SLC12A7: variants seen among roughly 807,000 people sequenced by gnomAD.
The protein encoded by SLC12A7 is solute carrier family 12 member 7.
SLC12A7 carries 100 observed loss-of-function variants against 120.6 expected under a neutral mutation model. The observed-to-expected ratio is 0.83, with a 90% CI of 0.71 to 0.98. The LOEUF (loss-of-function observed/expected upper bound fraction) is 0.98, where lower values mean the gene tolerates loss of function less well. SLC12A7 is among the 50% of genes least tolerant of loss of function. The probability of loss-of-function intolerance (pLI) is 0.00; values close to 1 mark genes in which losing one functional copy is unlikely to be tolerated. For missense variants in SLC12A7, 1,373 were observed against 1,548.1 expected (o/e 0.89, Z 1.90); for synonymous variants, 760 against 678.0 (o/e 1.12, Z -1.88).
At chr5:1,092,613 G>T (rs184684297) in intron 3 of SLC12A7, among the ~76,000 whole-genome samples, 1 of 152,196 alleles carries the variant, frequency 6.6e-6, no homozygotes, top group Non-Finnish European at 1.5e-5. Context: ...TGCCGAAGGA[G>T]GGGGGCACAG....
the SLC12A7 span, among the ~76,000 whole-genome samples, chr5:1,125,027 C>T: frequency 1.4e-4 from 21 of 152,208 alleles, no homozygotes; most frequent in East Asian, 3.9e-3. Flanking sequence ...AAGATTTGAA[C>T]AACCCATAAG....
At chr5:1,088,932 C>T (rs2150869298) in intron 4 of SLC12A7, 50 bp downstream of exon 4, 1 of 1,608,944 alleles carries the variant, frequency 6.2e-7, no homozygotes. Flanking sequence ...CCCTACTGTC[C>T]AGCTGCCACC....
chr5:1,056,465 G>A (rs780033608), intron 22 of SLC12A7: 141 of 393,060 alleles, frequency 3.6e-4, no homozygotes, highest in Admixed American at 1.1e-3. Context: ...ACAAGCCACC[G>A]TGCACGGGGC....
At chr5:1,127,582 G>A in the SLC12A7 span, among the ~76,000 whole-genome samples, 1 of 152,226 alleles carries the variant, frequency 6.6e-6, no homozygotes, top group African/African-American at 2.4e-5. Context: ...GCAGTCCGAG[G>A]AAACTGATGG....
At chr5:1,129,375 AAGGAGGTGGCCATGGGCCACC>A in the SLC12A7 span, among the ~76,000 whole-genome samples, 1 of 152,194 alleles carries the variant, frequency 6.6e-6, no homozygotes, top group East Asian at 1.9e-4. Flanking sequence ...CACCCAAGGC[AAGGAGGTGGCCATGGGCCACC>A]AGGAGTGTCC....
chr5:1,145,019 G>A, the SLC12A7 span, among the ~76,000 whole-genome samples: 40 of 152,274 alleles, frequency 2.6e-4, no homozygotes, highest in Non-Finnish European at 4.6e-4. The surrounding 1 kb of genome is among the most constrained non-coding windows in gnomAD (Gnocchi z 4.4). Context: ...CAACCGGGCC[G>A]GGGCTGGGGA....
chr5:1,058,107 AG>A (rs969734256), intron 21 of SLC12A7, among the ~76,000 whole-genome samples: 1 of 152,186 alleles, frequency 6.6e-6, no homozygotes, highest in Non-Finnish European at 1.5e-5. Context: ...CTGACCAGCC[AG>A]GGGACGTTTG....
Position 1,061,166 on chromosome 5 carries a change from G to A in SLC12A7, c.2740-715C>T, listed in dbSNP as rs1391723604. Among the ~76,000 whole-genome samples, 4 of 30,588 alleles carry A rather than the reference G, an allele frequency of 1.3e-4. 1 individual carries two copies. Among genetic ancestry groups the A allele is most frequent in the African/African-American group, 1.8e-4 (4 of 21,802 alleles). The allele number at this position is 30,588 out of a possible 152,430, so 20.1% of individuals were successfully genotyped here. On this transcript the variant is annotated intron_variant, in intron 20 of 23. Coordinates refer to ENST00000264930, the MANE Select transcript of SLC12A7 (RefSeq NM_006598.3). ...CTCACCCGCCGCACCCGCCGTGCGG[G>A]ACCCCTGCGTCTCACCCACCGCACC... is the stretch of plus-strand genomic sequence containing the variant.
In SLC12A7 at chr5:1,094,177, C is replaced by T; in HGVS notation, c.196G>A (p.Gly66Arg). Reference sequence around the variant, plus strand: ...ACCTCGAAAAGTGCCATGTTCTTCCCTTCAAAGAAGCTCTCTTGTTCCACC... The same window carrying T: ...ACCTCGAAAAGTGCCATGTTCTTCCTTTCAAAGAAGCTCTCTTGTTCCACC... ...VEVEQESFFE[G>R]KNMALFEEEM... The change falls in exon 2 of 24, where the codon GGG (glycine) becomes AGG (arginine). Residue 66 changes from glycine (G) to arginine (R), a missense_variant. Transcript: ENST00000264930. 1.2e-6 allele frequency: 2 copies of T among 1,613,468 alleles called. No individual in the cohort carries two copies. The highest frequency in any genetic ancestry group is 8.5e-7 in the Non-Finnish European group (1 of 1,179,704).
intron 1 of SLC12A7, among the ~76,000 whole-genome samples, chr5:1,103,461 A>G (rs1462765728): frequency 6.6e-6 from 1 of 152,172 alleles, no homozygotes; most frequent in East Asian, 1.9e-4. Context: ...ATGTGTACAC[A>G]TGCACAGACA....
At chr5:1,090,454 GGCC>G (rs1740372159) in intron 3 of SLC12A7, among the ~76,000 whole-genome samples, 1 of 152,186 alleles carries the variant, frequency 6.6e-6, no homozygotes, top group South Asian at 2.1e-4. Context: ...CGGGGCTGGG[GGCC>G]GCTGCTGGGC....
the SLC12A7 span, among the ~76,000 whole-genome samples, chr5:1,149,430 A>C: frequency 1.3e-5 from 2 of 151,872 alleles, no homozygotes; most frequent in Non-Finnish European, 2.9e-5. Context: ...TATAAAAATT[A>C]GCCAGGCGTG....
At chr5:1,140,746 C>T in the SLC12A7 span, among the ~76,000 whole-genome samples, 365 of 152,296 alleles carry the variant, frequency 2.4e-3, 2 homozygotes, top group Admixed American at 5.0e-3. Context: ...AGGTGGCTGG[C>T]GGAGGGGGTG....
At chr5:1,087,655 G>A (rs576750572) in intron 5 of SLC12A7, among the ~76,000 whole-genome samples, 145 of 152,354 alleles carry the variant, frequency 9.5e-4, no homozygotes, top group African/African-American at 3.4e-3. Context: ...AGCACCAAGC[G>A]ATGCCCCCGT....
chr5:1,097,292 C>T (rs757548145), intron 1 of SLC12A7, among the ~76,000 whole-genome samples: 25 of 152,170 alleles, frequency 1.6e-4, no homozygotes, highest in Non-Finnish European at 3.2e-4. Flanking sequence ...TCCTTCCCGT[C>T]GCCTCCAACA....
intron 20 of SLC12A7, among the ~76,000 whole-genome samples, chr5:1,061,764 T>A (rs113303019): frequency 0.06 from 9,098 of 151,208 alleles, 378 homozygotes; most frequent in African/African-American, 0.11. Context: ...AGCCTGGCCA[T>A]CATGGTGAAA....
At chr5:1,097,612 C>T (rs751708033) in intron 1 of SLC12A7, among the ~76,000 whole-genome samples, 14 of 152,192 alleles carry the variant, frequency 9.2e-5, no homozygotes, top group Non-Finnish European at 1.3e-4. Context: ...GTGGGGCCAG[C>T]GAGGCACGAC....
chr5:1,083,290 A>G (rs1739421597), intron 8 of SLC12A7, among the ~76,000 whole-genome samples: 1 of 151,810 alleles, frequency 6.6e-6, no homozygotes, highest in Non-Finnish European at 1.5e-5. Flanking sequence ...CGGGTTCTGG[A>G]AAGTCCGGGC....
chr5:1,148,205 C>CTTTTTT, the SLC12A7 span, among the ~76,000 whole-genome samples: 99 of 107,584 alleles, frequency 9.2e-4, no homozygotes, highest in African/African-American at 2.2e-3. Context: ...TTCTTTCTTT[C>CTTTTTT]TTTTTTTTTT....
Sources: gnomAD v4.1 joint callset for allele counts (sites outside exome capture counted in the v4.1 genomes callset) on GRCh38, gnomAD v4.1.1 for gene constraint, Gnocchi (gnomAD v3.1) non-coding constraint, MANE v1.5 for transcripts, NCBI Gene and HGNC (gene_info 2026-07-23, HGNC 2026-07-21) for gene names.